The following SOCS6 variants were observed in gnomAD, a reference collection of about 807,000 sequenced individuals.
SOCS6 encodes the protein suppressor of cytokine signaling 6.
Under a neutral mutation model 27.7 loss-of-function variants are expected in SOCS6, and 5 were observed. The ratio of observed to expected loss-of-function variants is 0.18; its 90% CI spans 0.09 to 0.38. The LOEUF is 0.38. Ranked by LOEUF, SOCS6 falls within the 10% of genes least tolerant of loss-of-function variation. SOCS6 has a pLI of 1.00. For missense variants in SOCS6, 595 were observed against 688.1 expected, an observed-to-expected ratio of 0.86 and a Z score of 1.51; for synonymous variants, 271 against 260.0, an observed-to-expected ratio of 1.04 and a Z score of -0.41.
intron 1 of SOCS6, among the ~76,000 whole-genome samples, chr18:70,289,846 C>T (rs1486316470): frequency 6.6e-6 from 1 of 152,206 alleles, no homozygotes; most frequent in Admixed American, 6.5e-5. Context: ...TTTCAGTTTG[C>T]TTCGGGAGTT....
chr18:70,292,893 GCACCACCTCAGAGCAT>G (rs1333191595), intron 1 of SOCS6, among the ~76,000 whole-genome samples: 7 of 152,116 alleles, frequency 4.6e-5, no homozygotes, highest in Non-Finnish European at 8.8e-5. Flanking sequence ...AATGCCAGTG[GCACCACCTCAGAGCAT>G]CACCACCTCA....
At chr18:70,292,691 G>T (rs1400370448) in intron 1 of SOCS6, among the ~76,000 whole-genome samples, 1 of 152,160 alleles carries the variant, frequency 6.6e-6, no homozygotes, top group African/African-American at 2.4e-5. Context: ...TTTCTGCCTA[G>T]TTCTGAAATG....
At chr18:70,298,167 T>TA (rs61517039) in intron 1 of SOCS6, among the ~76,000 whole-genome samples, 1 of 151,502 alleles carries the variant, frequency 6.6e-6, no homozygotes, top group African/African-American at 2.4e-5. Context: ...CTTTTAATCT[T>TA]AAAGCAATGA....
At chr18:70,294,977 G>C (rs556660175) in intron 1 of SOCS6, among the ~76,000 whole-genome samples, 4 of 152,224 alleles carry the variant, frequency 2.6e-5, no homozygotes, top group Non-Finnish European at 4.4e-5. Context: ...GGACTCTTGA[G>C]TATAGAGAAG....
intron 1 of SOCS6, among the ~76,000 whole-genome samples, chr18:70,294,085 C>T (rs147024945): frequency 0.026 from 3,803 of 144,288 alleles, 87 homozygotes; most frequent in South Asian, 0.078. Flanking sequence ...AGCGAGACTC[C>T]GTTTAAAAAA....
In SOCS6 at chr18:70,325,301, C is replaced by G. The variant is rs554423991; in HGVS notation, c.633C>G (p.Val211=). Residue 211 remains valine (V), a synonymous_variant, in exon 2 of 2, where the codon GTC becomes GTG. Transcript: ENST00000397942. The surrounding 1 kb of genome is among the most constrained non-coding windows in gnomAD (Gnocchi z 6.3). The stretch of plus-strand genomic sequence containing the variant: ...TTCACCTGGATGAACATGTGCCTGT[C>G]GTTATTGGACTTATGCCTCAGGACT... ...LHLHLDEHVP[V]VIGLMPQDYI... The G allele has an allele frequency of 6.2e-7, 1 of 1,614,162 alleles. No individual in the cohort carries two copies. Among genetic ancestry groups the G allele is most frequent in the Non-Finnish European group, 8.5e-7 (1 of 1,180,026 alleles).
chr18:70,317,839 C>T (rs921861309), intron 1 of SOCS6, among the ~76,000 whole-genome samples: 2 of 151,986 alleles, frequency 1.3e-5, no homozygotes, highest in African/African-American at 2.4e-5. Context: ...ACATTCACAC[C>T]AACATCGTTT....
chr18:70,324,968 C>G lies in SOCS6; in HGVS notation c.300C>G (p.Asp100Glu), dbSNP rs543825635. Residue 100 changes from aspartate to glutamate, a missense_variant, in exon 2 of 2, where the codon GAC becomes GAG. By Grantham distance (45) the Asp-to-Glu change is conservative. Around this residue, in one of 2 missense-constraint regions of SOCS6, gnomAD observed 467 missense variants for 481.1 expected, o/e 0.97. Coordinates refer to ENST00000397942, the MANE Select transcript of SOCS6 (RefSeq NM_004232.4). Reference sequence around the variant, plus strand: ...GCACACCCTCTGGGAGCTCTGCCGACGAGGACACCTTCTCCTCCTCCTCAG... The same window carrying G: ...GCACACCCTCTGGGAGCTCTGCCGAGGAGGACACCTTCTCCTCCTCCTCAG... ...KAGTPSGSSA[D>E]EDTFSSSSAP... 6.2e-7 allele frequency: 1 copy of G among 1,614,166 alleles called. No homozygotes were observed. The highest frequency in any genetic ancestry group is 1.1e-5 in the South Asian group (1 of 91,074).
intron 1 of SOCS6, among the ~76,000 whole-genome samples, chr18:70,306,631 G>A (rs1326379517): frequency 6.6e-6 from 1 of 152,052 alleles, no homozygotes. Context: ...AGTAGAGGGG[G>A]TGAGCGCAAA....
At chr18:70,313,002 G>A (rs996512850) in intron 1 of SOCS6, among the ~76,000 whole-genome samples, 2 of 151,900 alleles carry the variant, frequency 1.3e-5, no homozygotes, top group Non-Finnish European at 2.9e-5. Flanking sequence ...GGCTGGTCTC[G>A]AACTCTTGAC....
At position 70,329,999 on chromosome 18, in the gene SOCS6, T is replaced by C. The variant is rs1331907278; in HGVS notation, c.*3723T>C. On this transcript the variant is annotated 3_prime_UTR_variant, in exon 2 of 2. Coordinates refer to ENST00000397942, the MANE Select transcript of SOCS6 (RefSeq NM_004232.4). Reference sequence around the variant, plus strand: ...AGATTGCGGTAGTTTACACTTTTTCTGTATGTTTCAAATCAGGTGTGTACC... The same window carrying C: ...AGATTGCGGTAGTTTACACTTTTTCCGTATGTTTCAAATCAGGTGTGTACC... 2 of 167,130 alleles carry C rather than the reference T, an allele frequency of 1.2e-5. No homozygotes were observed. Among genetic ancestry groups the C allele is most frequent in the Non-Finnish European group, 2.9e-5 (2 of 68,128 alleles). 10.4% of individuals were successfully genotyped at this position (167,130 alleles called of 1,614,324 possible).
intron 1 of SOCS6, among the ~76,000 whole-genome samples, chr18:70,292,143 G>A (rs920795680): frequency 1.3e-5 from 2 of 151,976 alleles, no homozygotes; most frequent in Non-Finnish European, 2.9e-5. Flanking sequence ...TTGATGTTTC[G>A]AGAACAGACA....
intron 1 of SOCS6, among the ~76,000 whole-genome samples, chr18:70,301,425 G>C (rs2062347648): frequency 6.6e-6 from 1 of 151,578 alleles, no homozygotes; most frequent in Non-Finnish European, 1.5e-5. Context: ...AAAGAAAGGA[G>C]CCAAGGGTGA....
In SOCS6 at chr18:70,325,257, C is replaced by T. The variant is rs375167771; in HGVS notation, c.589C>T (p.His197Tyr). 2 of 1,614,112 alleles carry T rather than the reference C, an allele frequency of 1.2e-6. No homozygotes were observed. Among genetic ancestry groups the T allele is most frequent in the African/African-American group, 1.3e-5 (1 of 74,946 alleles). Residue 197 changes from histidine to tyrosine, a missense_variant, in exon 2 of 2, where the codon CAT becomes TAT. This residue lies in a region of SOCS6 where 467 missense variants were observed against 481.1 expected (regional missense o/e 0.97). Coordinates refer to ENST00000397942, the MANE Select transcript of SOCS6 (RefSeq NM_004232.4). This position sits in a 1 kb window ranked among gnomAD's most constrained non-coding sequence, Gnocchi z 6.3. Reference sequence around the variant, plus strand: ...CAATTCACTGAAGAGCTCGGCTTCTCATAATGGAGACCTGCATCTTCACCT... The same window carrying T: ...CAATTCACTGAAGAGCTCGGCTTCTTATAATGGAGACCTGCATCTTCACCT... ...QANSLKSSAS[H>Y]NGDLHLHLDE...
At chr18:70,321,237 G>T (rs1201636629) in intron 1 of SOCS6, among the ~76,000 whole-genome samples, 1 of 150,194 alleles carries the variant, frequency 6.7e-6, no homozygotes, top group Admixed American at 6.7e-5. Context: ...TCATACCACT[G>T]CACTCTAGCC....
chr18:70,311,436 G>T (rs950535242), intron 1 of SOCS6, among the ~76,000 whole-genome samples: 1 of 152,132 alleles, frequency 6.6e-6, no homozygotes. Context: ...TCACGGACCT[G>T]CTTTTCATGA....
At chr18:70,311,966 C>A (rs557460572) in intron 1 of SOCS6, among the ~76,000 whole-genome samples, 1 of 149,966 alleles carries the variant, frequency 6.7e-6, no homozygotes, top group South Asian at 2.1e-4. Context: ...GTTCCTTAAC[C>A]TCTCTGTATT....
At position 70,325,383 on chromosome 18, in the gene SOCS6, A is replaced by G. The variant is rs748924030; in HGVS notation, c.715A>G (p.Ser239Gly). The change falls in exon 2 of 2, where the codon AGC (serine) becomes GGC (glycine). Residue 239 changes from serine to glycine, a missense_variant. Coordinates refer to ENST00000397942, the MANE Select transcript of SOCS6 (RefSeq NM_004232.4). This position sits in a 1 kb window ranked among gnomAD's most constrained non-coding sequence, Gnocchi z 6.3. The part of the protein sequence containing the change: ...EGMYPLEGSR[S>G]YCLDSSSPME... ...GATGTATCCTTTGGAAGGATCACGG[A>G]GCTATTGTCTGGACAGCTCTTCTCC... 2.5e-6 allele frequency: 4 copies of G among 1,614,144 alleles called. No homozygotes were observed. In the South Asian group the frequency reaches 4.4e-5, roughly 18 times the overall value.
chr18:70,314,859 T>TTA (rs201294860), intron 1 of SOCS6, among the ~76,000 whole-genome samples: 42,309 of 106,156 alleles, frequency 0.4, 6,969 homozygotes, highest in East Asian at 0.76. Context: ...AGCTCTGATT[T>TTA]TGTGTGTATA....
Sources: allele counts gnomAD v4.1 joint callset (sites outside exome capture counted in the v4.1 genomes callset), GRCh38; gene constraint gnomAD v4.1.1; regional missense constraint gnomAD v4.1.1; non-coding constraint Gnocchi (gnomAD v3.1); transcripts MANE v1.5; gene names NCBI Gene and HGNC (gene_info 2026-07-23, HGNC 2026-07-21).